The following SULF1 variants were observed in gnomAD, a reference collection of about 807,000 sequenced individuals.
SULF1 encodes the protein extracellular sulfatase Sulf-1.
Under a neutral mutation model 110.5 loss-of-function variants are expected in SULF1, and 46 were observed. The ratio of observed to expected loss-of-function variants is 0.42; its 90% CI spans 0.33 to 0.53. SULF1 has a LOEUF of 0.53. Among genes scored for constraint, SULF1 ranks in the 20% least tolerant of loss-of-function variants. The pLI, the probability that SULF1 is intolerant of heterozygous loss-of-function variation, is 0.12. For missense variants in SULF1, 941 were observed against 1,094.2 expected (o/e 0.86, Z 1.98); for synonymous variants, 371 against 387.1 (o/e 0.96, Z 0.49).
intron 8 of SULF1, among the ~76,000 whole-genome samples, chr8:69,592,532 G>C (rs1296834354): frequency 6.6e-6 from 1 of 152,164 alleles, no homozygotes; most frequent in Non-Finnish European, 1.5e-5. Context: ...TCCTGCCTCA[G>C]CTGCCCTCAC....
chr8:69,477,440 C>T (rs542721765), intron 1 of SULF1, among the ~76,000 whole-genome samples: 1 of 152,266 alleles, frequency 6.6e-6, no homozygotes, highest in African/African-American at 2.4e-5. Flanking sequence ...TGTCATAACC[C>T]CTTTGGAAGC....
intron 3 of SULF1, among the ~76,000 whole-genome samples, chr8:69,534,006 C>A (rs77110871): frequency 0.011 from 1,658 of 152,152 alleles, 32 homozygotes; most frequent in African/African-American, 0.038. Context: ...GAGTTTTATT[C>A]TTAGCAGTTA....
chr8:69,619,239 A>T (rs6472471), intron 13 of SULF1, among the ~76,000 whole-genome samples: 37 of 152,150 alleles, frequency 2.4e-4, no homozygotes, highest in East Asian at 9.6e-4. Context: ...GAAAAGTTTC[A>T]GTAGATAATG....
intron 3 of SULF1, among the ~76,000 whole-genome samples, chr8:69,506,843 G>A (rs1006822923): frequency 2.0e-5 from 3 of 152,192 alleles, no homozygotes; most frequent in Non-Finnish European, 4.4e-5. Flanking sequence ...GGATATTAAG[G>A]AAAAAGAATG....
At chr8:69,577,514 GTT>G (rs1479612974) in intron 6 of SULF1, among the ~76,000 whole-genome samples, 1 of 152,150 alleles carries the variant, frequency 6.6e-6, no homozygotes, top group Non-Finnish European at 1.5e-5. Flanking sequence ...CACCTCCCAG[GTT>G]CCCTAGTAGC....
chr8:69,642,640 C>G (rs902312056), intron 22 of SULF1, among the ~76,000 whole-genome samples: 5 of 152,148 alleles, frequency 3.3e-5, no homozygotes, highest in African/African-American at 1.2e-4. Flanking sequence ...GGACCTACCT[C>G]TAAATATTGA....
Position 69,576,158 on chromosome 8 carries a change from C to T in SULF1, c.361C>T (p.His121Tyr), listed in dbSNP as rs1805595186. The T allele has an allele frequency of 3.7e-6, 6 of 1,614,198 alleles. No individual in the cohort carries two copies. The Middle Eastern group carries it at 4.9e-4, about 133-fold the overall frequency. Reference sequence around the variant, plus strand: ...CTCTTCCCCCTCGTGGCAGGCCATGCATGAGCCTCGGACTTTTGCTGTATA... The same window carrying T: ...CTCTTCCCCCTCGTGGCAGGCCATGTATGAGCCTCGGACTTTTGCTGTATA... Reference protein sequence around the residue: ...NCSSPSWQAMHEPRTFAVYLN... With the variant: ...NCSSPSWQAMYEPRTFAVYLN... Residue 121 changes from histidine to tyrosine, a missense_variant, in exon 6 of 23, where the codon CAT becomes TAT. By Grantham distance (83) the His-to-Tyr change is moderately conservative. Around this residue, in one of 3 missense-constraint regions of SULF1, gnomAD observed 822 missense variants for 934.3 expected, o/e 0.88. Transcript: ENST00000402687.
intron 13 of SULF1, among the ~76,000 whole-genome samples, chr8:69,620,826 G>C (rs1221089856): frequency 6.6e-6 from 1 of 152,092 alleles, no homozygotes; most frequent in Non-Finnish European, 1.5e-5. Flanking sequence ...TGATTTCGTT[G>C]TCATCTGTAT....
intron 13 of SULF1, among the ~76,000 whole-genome samples, chr8:69,617,256 C>T (rs995077567): frequency 1.4e-4 from 21 of 151,148 alleles, no homozygotes; most frequent in Non-Finnish European, 2.8e-4. Flanking sequence ...ACTGCAGCCC[C>T]GACCTCCTGG....
rs1441294363 is a variant in SULF1, at chr8:69,659,460, G to A, written c.*925G>A. The A allele has an allele frequency of 9.2e-6, 3 of 325,866 alleles. No homozygotes were observed. The highest frequency in any genetic ancestry group is 1.8e-5 in the Non-Finnish European group (3 of 167,756). 20.2% of individuals were successfully genotyped at this position (325,866 alleles called of 1,614,324 possible). A position where few individuals can be genotyped will look rare whatever the true frequency, so the allele number is the denominator to read the frequency against. On this transcript the variant is annotated 3_prime_UTR_variant, in exon 23 of 23. Transcript: ENST00000402687. ...GCAGTAGAAGCTAGTGAGCATGTGAGCAAGCGGTGTGCACACGGAGACTCA... is the reference window on the plus strand; with the variant it reads ...GCAGTAGAAGCTAGTGAGCATGTGAACAAGCGGTGTGCACACGGAGACTCA...
intron 19 of SULF1, among the ~76,000 whole-genome samples, chr8:69,636,156 C>T (rs964703008): frequency 2.0e-5 from 3 of 152,172 alleles, no homozygotes; most frequent in Non-Finnish European, 4.4e-5. Context: ...TGGGCTCAAA[C>T]ACATCTTTCT....
chr8:69,604,978 T>C (rs1426979146), intron 13 of SULF1, 46 bp downstream of exon 13: 3 of 1,597,006 alleles, frequency 1.9e-6, no homozygotes, highest in South Asian at 2.2e-5. Context: ...TGCTTCTCCA[T>C]CTCTAATTTA....
chr8:69,533,560 G>A (rs1586327746), intron 3 of SULF1, among the ~76,000 whole-genome samples: 1 of 152,072 alleles, frequency 6.6e-6, no homozygotes, highest in Admixed American at 6.5e-5. Flanking sequence ...AGCTCCATCC[G>A]TGTCCCTGCA....
At chr8:69,633,392 G>A (rs894397783) in intron 19 of SULF1, among the ~76,000 whole-genome samples, 64 of 149,978 alleles carry the variant, frequency 4.3e-4, no homozygotes, top group African/African-American at 1.3e-3. Context: ...GCAATGGTGC[G>A]TTCTCAGCTC....
chr8:69,515,713 GT>G (rs1315796650), intron 3 of SULF1, among the ~76,000 whole-genome samples: 3 of 152,190 alleles, frequency 2.0e-5, no homozygotes, highest in Non-Finnish European at 4.4e-5. Context: ...TTATTTCTTC[GT>G]TTATGCAAAT....
At position 69,659,815 on chromosome 8, in the gene SULF1, G is replaced by A. The variant is rs1483038178; in HGVS notation, c.*1280G>A. On this transcript the variant is annotated 3_prime_UTR_variant, in exon 23 of 23. Transcript: ENST00000402687. The stretch of plus-strand genomic sequence containing the variant: ...TTGCACTTTGAGATTAAAATGCCAT[G>A]TCTATTTGATTAGTCTTATTTTTTT... 2 of 153,276 alleles carry A rather than the reference G, an allele frequency of 1.3e-5. No homozygotes were observed. The highest frequency in any genetic ancestry group is 4.8e-5 in the African/African-American group (2 of 41,412). 9.5% of individuals were successfully genotyped at this position (153,276 alleles called of 1,614,324 possible). A position where few individuals can be genotyped will look rare whatever the true frequency, so the allele number is the denominator to read the frequency against.
intron 19 of SULF1, among the ~76,000 whole-genome samples, chr8:69,631,992 C>A (rs1158004276): frequency 6.6e-6 from 1 of 152,208 alleles, no homozygotes; most frequent in East Asian, 1.9e-4. Flanking sequence ...AGATAAAAAA[C>A]CATGTCTCTA....
In SULF1 at chr8:69,576,027, T is replaced by G. The variant is rs1206067420; in HGVS notation, c.230T>G (p.Phe77Cys). Residue 77 changes from phenylalanine (F) to cysteine (C), a missense_variant, in exon 6 of 23, where the codon TTC (phenylalanine) becomes TGC (cysteine). Physicochemically the swap from Phe to Cys is radical, Grantham distance 205. Around this residue, in one of 3 missense-constraint regions of SULF1, gnomAD observed 822 missense variants for 934.3 expected, o/e 0.88. Transcript: ENST00000402687. Reference protein sequence around the residue: ...RKIMEHGGATFINAFVTTPMC... With the variant: ...RKIMEHGGATCINAFVTTPMC... ...ATTATGGAACATGGGGGGGCCACCTTCATCAATGCCTTTGTGACTACACCC... is the reference window on the plus strand; with the variant it reads ...ATTATGGAACATGGGGGGGCCACCTGCATCAATGCCTTTGTGACTACACCC... 2 of 1,614,040 alleles carry G rather than the reference T, an allele frequency of 1.2e-6. No individual in the cohort carries two copies. Among genetic ancestry groups the G allele is most frequent in the Non-Finnish European group, 1.7e-6 (2 of 1,180,026 alleles).
intron 3 of SULF1, among the ~76,000 whole-genome samples, chr8:69,535,750 G>A (rs1426480983): frequency 6.6e-6 from 1 of 152,144 alleles, no homozygotes; most frequent in African/African-American, 2.4e-5. Context: ...AGCCATAAGA[G>A]GCCGGGTGAG....
Sources: allele counts gnomAD v4.1 joint callset (sites outside exome capture counted in the v4.1 genomes callset), GRCh38; gene constraint gnomAD v4.1.1; regional missense constraint gnomAD v4.1.1; transcripts MANE v1.5; gene names NCBI Gene and HGNC (gene_info 2026-07-23, HGNC 2026-07-21).